STON2: variants seen among roughly 807,000 people sequenced by gnomAD.
STON2 encodes stonin-2.
STON2 carries 29 observed loss-of-function variants against 65.7 expected under a neutral mutation model. The observed-to-expected ratio is 0.44, with a 90% CI of 0.33 to 0.60. The LOEUF (loss-of-function observed/expected upper bound fraction) is 0.60, where lower values mean the gene tolerates loss of function less well. Among genes scored for constraint, STON2 ranks in the 20% least tolerant of loss-of-function variants. The pLI, the probability that STON2 is intolerant of heterozygous loss-of-function variation, is 0.03. For missense variants in STON2, 1,054 were observed against 1,118.1 expected, an observed-to-expected ratio of 0.94 and a Z score of 0.82; for synonymous variants, 404 against 414.2, an observed-to-expected ratio of 0.98 and a Z score of 0.30.
chr14:81,323,114 A>G (rs1896878976), intron 5 of STON2, among the ~76,000 whole-genome samples: 1 of 152,260 alleles, frequency 6.6e-6, no homozygotes, highest in Non-Finnish European at 1.5e-5. Flanking sequence ...CTTCCCAGGT[A>G]TTAAAGTTTG....
intron 2 of STON2, among the ~76,000 whole-genome samples, chr14:81,412,528 T>C (rs1297117936): frequency 7.2e-6 from 1 of 139,486 alleles, no homozygotes; most frequent in Non-Finnish European, 1.5e-5. Flanking sequence ...ATGAAGTACT[T>C]AGAGTAGTCA....
intron 5 of STON2, among the ~76,000 whole-genome samples, chr14:81,281,092 T>C (rs1011311587): frequency 1.3e-5 from 2 of 151,542 alleles, no homozygotes; most frequent in African/African-American, 2.4e-5. Context: ...CACATATCCA[T>C]ACCCACCCCA....
chr14:81,391,124 C>T (rs1005937309), intron 3 of STON2, among the ~76,000 whole-genome samples: 2 of 152,178 alleles, frequency 1.3e-5, no homozygotes, highest in African/African-American at 4.8e-5. Context: ...TCTACAAAGA[C>T]CCTTTTCCCA....
intron 5 of STON2, among the ~76,000 whole-genome samples, chr14:81,296,076 A>G (rs1262474274): frequency 1.3e-5 from 2 of 152,256 alleles, no homozygotes; most frequent in Non-Finnish European, 2.9e-5. Flanking sequence ...CTCATAGGAC[A>G]ATATTCAAAA....
At chr14:81,340,210 T>TA (rs2140290143) in intron 4 of STON2, among the ~76,000 whole-genome samples, 1 of 152,114 alleles carries the variant, frequency 6.6e-6, no homozygotes, top group South Asian at 2.1e-4. Context: ...AAGAACCCAC[T>TA]CAATGAGTCC....
At position 81,277,928 on chromosome 14, in the gene STON2, C is replaced by G; in HGVS notation, c.1554G>C (p.Leu518=). The change falls in exon 6 of 8, where the codon CTG becomes CTC. Residue 518 remains leucine, a synonymous_variant. Coordinates refer to ENST00000614646, the MANE Select transcript of STON2 (RefSeq NM_001394390.1). ...VKLTDTGYLQ[L]YYEQGLEKPF... is the part of the protein sequence containing the mutation. ...GTTTTTCTAGGCCCTGCTCATAATA[C>G]AGCTGCAGGTAACCAGTGTCTGTCA... is the stretch of plus-strand genomic sequence containing the variant. 2 of 1,614,224 alleles carry G rather than the reference C, an allele frequency of 1.2e-6. No homozygotes were observed. The highest frequency in any genetic ancestry group is 1.7e-6 in the Non-Finnish European group (2 of 1,180,042).
chr14:81,308,845 TATATATAC>T (rs1896308135), intron 5 of STON2, among the ~76,000 whole-genome samples: 9 of 10,254 alleles, frequency 8.8e-4, no homozygotes, highest in African/African-American at 3.7e-3. Context: ...TGTATATATA[TATATATAC>T]ACATACATAC....
intron 4 of STON2, among the ~76,000 whole-genome samples, chr14:81,351,972 C>A (rs750099317): frequency 6.6e-6 from 1 of 152,114 alleles, no homozygotes; most frequent in Non-Finnish European, 1.5e-5. Flanking sequence ...AAGCCTAGGA[C>A]GCCTTCTCAA....
chr14:81,370,756 TC>T (rs1898945886), intron 4 of STON2, among the ~76,000 whole-genome samples: 1 of 152,230 alleles, frequency 6.6e-6, no homozygotes, highest in South Asian at 2.1e-4. Context: ...AGATACACTG[TC>T]AAATGGTTGC....
intron 5 of STON2, among the ~76,000 whole-genome samples, chr14:81,292,075 G>A (rs1595302273): frequency 6.6e-6 from 1 of 152,158 alleles, no homozygotes; most frequent in East Asian, 1.9e-4. Flanking sequence ...TAGCTCCCTG[G>A]TGACAATGGT....
chr14:81,408,306 G>A (rs762705910), intron 2 of STON2, among the ~76,000 whole-genome samples: 6 of 151,910 alleles, frequency 3.9e-5, no homozygotes, highest in African/African-American at 7.3e-5. Context: ...AAAACAAAAG[G>A]AGACCACCCA....
chr14:81,390,654 T>A (rs759335287), intron 3 of STON2, among the ~76,000 whole-genome samples: 6 of 152,248 alleles, frequency 3.9e-5, no homozygotes, highest in Non-Finnish European at 7.3e-5. Flanking sequence ...TAATTCAGAC[T>A]GACTCATTCT....
At chr14:81,294,391 G>A (rs1220697267) in intron 5 of STON2, among the ~76,000 whole-genome samples, 3 of 152,130 alleles carry the variant, frequency 2.0e-5, no homozygotes, top group African/African-American at 4.8e-5. Flanking sequence ...GGACTTAACC[G>A]CATTGTCAAG....
intron 2 of STON2, among the ~76,000 whole-genome samples, chr14:81,426,493 C>T (rs543991081): frequency 2.0e-5 from 3 of 152,164 alleles, no homozygotes; most frequent in South Asian, 2.1e-4. Flanking sequence ...ATGCTTCCAG[C>T]CTTGACTTCT....
intron 5 of STON2, among the ~76,000 whole-genome samples, chr14:81,281,010 C>CAAAAAAA (rs796161809): frequency 1.6e-5 from 1 of 63,066 alleles, no homozygotes. Context: ...AACTCCGTCT[C>CAAAAAAA]AAAAAAAAAA....
chr14:81,311,176 C>A (rs139280180), intron 5 of STON2, among the ~76,000 whole-genome samples: 2 of 152,184 alleles, frequency 1.3e-5, no homozygotes, highest in Non-Finnish European at 2.9e-5. Context: ...TAGTATTATA[C>A]CCAGCCACCA....
At chr14:81,419,179 AC>A (rs1374752722) in intron 2 of STON2, among the ~76,000 whole-genome samples, 4 of 152,162 alleles carry the variant, frequency 2.6e-5, no homozygotes, top group Non-Finnish European at 5.9e-5. Flanking sequence ...CTTACTCTAT[AC>A]AGTACTATGT....
intron 3 of STON2, among the ~76,000 whole-genome samples, chr14:81,384,455 C>T (rs141117650): frequency 6.6e-6 from 1 of 152,230 alleles, no homozygotes; most frequent in African/African-American, 2.4e-5. Context: ...AGGCTGGTCT[C>T]AAACTCCTGA....
At chr14:81,431,612 C>G (rs1902227176) in intron 1 of STON2, among the ~76,000 whole-genome samples, 1 of 152,098 alleles carries the variant, frequency 6.6e-6, no homozygotes, top group African/African-American at 2.4e-5. Context: ...AACTCTGTCT[C>G]TACTAAAAAT....
Sources: gnomAD v4.1 joint callset for allele counts (sites outside exome capture counted in the v4.1 genomes callset) on GRCh38, gnomAD v4.1.1 for gene constraint, MANE v1.5 for transcripts, NCBI Gene and HGNC (gene_info 2026-07-23, HGNC 2026-07-21) for gene names.